Variants in PRDM4 observed in about 807,000 individuals in gnomAD.
PRDM4 encodes the protein PR domain zinc finger protein 4.
Under a neutral mutation model 62.3 loss-of-function variants are expected in PRDM4, and 38 were observed. The observed-to-expected ratio is 0.61, with a 90% CI of 0.47 to 0.80. The LOEUF is 0.80. PRDM4 is among the 30% of genes least tolerant of loss of function. The pLI is 0.00. For synonymous variants in PRDM4, 339 were observed against 348.2 expected (o/e 0.97, Z 0.30); for missense variants, 858 against 997.1 (o/e 0.86, Z 1.88).
At chr12:107,736,283 A>G (rs961504380) in intron 11 of PRDM4, among the ~76,000 whole-genome samples, 3 of 152,212 alleles carry the variant, frequency 2.0e-5, no homozygotes, top group African/African-American at 2.4e-5. Context: ...AAAGACTACG[A>G]AAACACACGA....
chr12:107,758,588 T>A (rs1891134677), intron 2 of PRDM4, among the ~76,000 whole-genome samples: 1 of 152,196 alleles, frequency 6.6e-6, no homozygotes, highest in Non-Finnish European at 1.5e-5. Flanking sequence ...TCAGAACTAA[T>A]TTAAGAAACC....
chr12:107,738,812 C>T (rs1419557503), intron 11 of PRDM4, among the ~76,000 whole-genome samples: 1 of 151,816 alleles, frequency 6.6e-6, no homozygotes, highest in African/African-American at 2.4e-5. Context: ...ATAACTAACA[C>T]TATTGAACTG....
chr12:107,744,423 G>T, intron 7 of PRDM4, 120 bp downstream of exon 7: 1 of 1,104,492 alleles, frequency 9.1e-7, no homozygotes, highest in Non-Finnish European at 1.3e-6. Flanking sequence ...TGAAATAAAT[G>T]ACTGACCAGT....
At chr12:107,756,737 C>A in intron 3 of PRDM4, 95 bp downstream of exon 3, 1 of 1,440,718 alleles carries the variant, frequency 6.9e-7, no homozygotes, top group Admixed American at 2.1e-5. Context: ...CTTCTACCTT[C>A]TACCCTTAAA....
chr12:107,754,297 A>G (rs1270765302), intron 3 of PRDM4, among the ~76,000 whole-genome samples, 188 bp from the exon 4 acceptor site: 1 of 152,228 alleles, frequency 6.6e-6, no homozygotes. Context: ...CTTAGTCCCA[A>G]AGATAGTTTT....
At chr12:107,750,963 G>A (rs1468880) in intron 5 of PRDM4, among the ~76,000 whole-genome samples, 44,536 of 152,110 alleles carry the variant, frequency 0.29, 8,233 homozygotes, top group Middle Eastern at 0.43. Context: ...AGGTGTGATC[G>A]CAGCATACTA....
intron 5 of PRDM4, among the ~76,000 whole-genome samples, chr12:107,750,427 C>A (rs1375375355): frequency 2.0e-5 from 3 of 152,000 alleles, no homozygotes; most frequent in African/African-American, 7.3e-5. Context: ...ACTTGGGGTC[C>A]CAGTTGCTCG....
At chr12:107,760,484 G>A in intron 2 of PRDM4, 21 bp downstream of exon 2, 1 of 1,613,414 alleles carries the variant, frequency 6.2e-7, no homozygotes, top group South Asian at 1.1e-5. Context: ...CACCAGTGCT[G>A]AAGCCCACCT....
intron 5 of PRDM4, 56 bp from the exon 6 acceptor site, chr12:107,746,480 A>C: frequency 7.1e-7 from 1 of 1,403,296 alleles, no homozygotes. Flanking sequence ...AGGCTAAATT[A>C]CCACCACGGT....
At position 107,744,666 on chromosome 12, in the gene PRDM4, C is replaced by CA; in HGVS notation, c.1277-6dup. ...TGGTTTCTCCAGTCCATACACCTGT[C>CA]AGTGGAAGGACACCAACTACACAAT... is the stretch of plus-strand genomic sequence containing the variant. On this transcript the variant is annotated splice_region_variant and splice_polypyrimidine_tract_variant and intron_variant, in intron 6 of 11. Coordinates refer to ENST00000228437, the MANE Select transcript of PRDM4 (RefSeq NM_012406.4). 1.2e-6 allele frequency: 2 copies of CA among 1,613,200 alleles called. No homozygotes were observed. The highest frequency in any genetic ancestry group is 1.7e-6 in the Non-Finnish European group (2 of 1,179,276).
At chr12:107,739,956 TA>T (rs771167906) in intron 10 of PRDM4, among the ~76,000 whole-genome samples, 3 of 152,058 alleles carry the variant, frequency 2.0e-5, no homozygotes, top group Non-Finnish European at 4.4e-5. Context: ...TCTATCTTTT[TA>T]AAACATATAA....
chr12:107,745,814 A>C (rs12579462), intron 6 of PRDM4, among the ~76,000 whole-genome samples: 28,183 of 152,182 alleles, frequency 0.19, 3,649 homozygotes, highest in East Asian at 0.52. Context: ...AGCCATGCTA[A>C]ATTCAAATAT....
chr12:107,749,929 G>C (rs972900287), intron 5 of PRDM4, among the ~76,000 whole-genome samples: 1 of 152,024 alleles, frequency 6.6e-6, no homozygotes, highest in Non-Finnish European at 1.5e-5. Context: ...TGATTCTTTT[G>C]GTTCTAGGCA....
chr12:107,748,010 T>C (rs1376504931), intron 5 of PRDM4, among the ~76,000 whole-genome samples: 1 of 151,876 alleles, frequency 6.6e-6, no homozygotes, highest in Non-Finnish European at 1.5e-5. Flanking sequence ...GCAAATCGTC[T>C]CTACCAAAAA....
At chr12:107,746,517 G>A in intron 5 of PRDM4, 93 bp from the exon 6 acceptor site, 2 of 1,233,416 alleles carry the variant, frequency 1.6e-6, no homozygotes, top group Non-Finnish European at 1.1e-6. Flanking sequence ...ACAAAGTCTT[G>A]CTCTGCACCC....
chr12:107,752,269 G>T, intron 4 of PRDM4, 60 bp from the exon 5 acceptor site: 1 of 1,234,808 alleles, frequency 8.1e-7, no homozygotes, highest in Non-Finnish European at 1.2e-6. Flanking sequence ...AGAATTCCAA[G>T]CACTAGACGC....
At chr12:107,745,932 T>C (rs1890687224) in intron 6 of PRDM4, among the ~76,000 whole-genome samples, 1 of 152,242 alleles carries the variant, frequency 6.6e-6, no homozygotes, top group Admixed American at 6.5e-5. Context: ...GAATTTTCCA[T>C]GTTTCTATAA....
intron 11 of PRDM4, among the ~76,000 whole-genome samples, chr12:107,735,255 T>C (rs888666995): frequency 3.3e-5 from 5 of 152,230 alleles, no homozygotes; most frequent in African/African-American, 1.2e-4. Context: ...TCAAAGGATA[T>C]GCACATCTTC....
At chr12:107,734,923 T>A (rs1161806297) in intron 11 of PRDM4, among the ~76,000 whole-genome samples, 1 of 152,216 alleles carries the variant, frequency 6.6e-6, no homozygotes, top group Non-Finnish European at 1.5e-5. Flanking sequence ...TAATGAATGT[T>A]TTGGTGGTTT....
Sources: allele counts gnomAD v4.1 joint callset (sites outside exome capture counted in the v4.1 genomes callset), GRCh38; gene constraint gnomAD v4.1.1; transcripts MANE v1.5; gene names NCBI Gene and HGNC (gene_info 2026-07-23, HGNC 2026-07-21).